The following KCNT2 variants were observed in gnomAD, a reference collection of about 807,000 sequenced individuals.
The protein encoded by KCNT2 is potassium channel subfamily T member 2.
Under a neutral mutation model 153.8 loss-of-function variants are expected in KCNT2, and 67 were observed. The ratio of observed to expected loss-of-function variants is 0.44; its 90% CI spans 0.36 to 0.53. The LOEUF (loss-of-function observed/expected upper bound fraction) is 0.53. KCNT2 is among the 20% of genes least tolerant of loss of function. KCNT2 has a pLI of 0.00. For synonymous variants in KCNT2, 500 were observed against 458.8 expected (o/e 1.09, Z -1.15); for missense variants, 975 against 1,354.8 (o/e 0.72, Z 4.40).
At chr1:196,438,383 A>T (rs1212446886) in intron 8 of KCNT2, among the ~76,000 whole-genome samples, 1 of 151,878 alleles carries the variant, frequency 6.6e-6, no homozygotes. Context: ...TTAGCAGCAG[A>T]CACCATCCAG....
chr1:196,579,144 A>C (rs1661717434), intron 1 of KCNT2, among the ~76,000 whole-genome samples: 1 of 152,106 alleles, frequency 6.6e-6, no homozygotes, highest in Non-Finnish European at 1.5e-5. Flanking sequence ...AGGTACAATG[A>C]CATGTTATCC....
intron 26 of KCNT2, among the ~76,000 whole-genome samples, chr1:196,246,835 T>G (rs1374467507): frequency 6.6e-6 from 1 of 151,698 alleles, no homozygotes; most frequent in African/African-American, 2.4e-5. Flanking sequence ...TCACCTTCTC[T>G]AACAGGAAGA....
At chr1:196,331,099 A>T in intron 18 of KCNT2, 57 bp downstream of exon 18, 3 of 903,564 alleles carry the variant, frequency 3.3e-6, no homozygotes, top group East Asian at 4.8e-5. Flanking sequence ...TAAATTATGT[A>T]ACTATAAAAT....
At chr1:196,383,299 C>A (rs1447631934) in intron 13 of KCNT2, among the ~76,000 whole-genome samples, 1 of 152,122 alleles carries the variant, frequency 6.6e-6, no homozygotes, top group Non-Finnish European at 1.5e-5. Context: ...TTTGATATAG[C>A]CCAAACTATG....
At chr1:196,405,163 C>G (rs1005963108) in intron 12 of KCNT2, among the ~76,000 whole-genome samples, 33 of 150,480 alleles carry the variant, frequency 2.2e-4, no homozygotes, top group African/African-American at 7.8e-4. Context: ...GATTTCACTT[C>G]ATTTTTTTTT....
chr1:196,485,700 T>C (rs1001338821), intron 3 of KCNT2, among the ~76,000 whole-genome samples: 2 of 151,884 alleles, frequency 1.3e-5, no homozygotes, highest in South Asian at 4.1e-4. Flanking sequence ...TGGAAAGACA[T>C]ACTTTTACCA....
intron 19 of KCNT2, among the ~76,000 whole-genome samples, chr1:196,325,207 T>C (rs1022764945): frequency 2.0e-5 from 3 of 152,196 alleles, no homozygotes; most frequent in Non-Finnish European, 4.4e-5. Context: ...AGGAGGAAAG[T>C]ACAGTTTTGT....
intron 8 of KCNT2, among the ~76,000 whole-genome samples, chr1:196,449,093 A>T (rs1293504866): frequency 6.6e-6 from 1 of 151,668 alleles, no homozygotes. Context: ...AACAAACAAA[A>T]ATCCTGGGGA....
At chr1:196,339,809 T>C (rs1665435906) in intron 16 of KCNT2, among the ~76,000 whole-genome samples, 1 of 152,074 alleles carries the variant, frequency 6.6e-6, no homozygotes, top group African/African-American at 2.4e-5. Context: ...TTCTTTTACC[T>C]TTCTTCTTCT....
chr1:196,386,375 T>C (rs1437547574), intron 13 of KCNT2, among the ~76,000 whole-genome samples: 1 of 152,132 alleles, frequency 6.6e-6, no homozygotes, highest in Non-Finnish European at 1.5e-5. Flanking sequence ...TGCAGCAATA[T>C]GTAACTAATA....
intron 12 of KCNT2, among the ~76,000 whole-genome samples, chr1:196,406,112 TA>T (rs1572339096): frequency 6.6e-6 from 1 of 151,492 alleles, no homozygotes; most frequent in East Asian, 2.0e-4. Flanking sequence ...ATTTTGTTCA[TA>T]ATTAGAACAT....
intron 26 of KCNT2, among the ~76,000 whole-genome samples, chr1:196,244,460 G>A (rs75086179): frequency 0.023 from 3,430 of 152,158 alleles, 119 homozygotes; most frequent in African/African-American, 0.078. Flanking sequence ...GGGCCAAAGG[G>A]GTGCCTACTG....
intron 1 of KCNT2, among the ~76,000 whole-genome samples, chr1:196,531,989 T>C (rs1012753022): frequency 4.6e-5 from 7 of 152,076 alleles, no homozygotes; most frequent in East Asian, 3.9e-4. Flanking sequence ...ACACACAAAT[T>C]TGTAGTTTAG....
intron 20 of KCNT2, among the ~76,000 whole-genome samples, chr1:196,317,755 C>G (rs1662869501): frequency 6.6e-6 from 1 of 151,672 alleles, no homozygotes; most frequent in South Asian, 2.1e-4. Flanking sequence ...CAAAACTTCA[C>G]TTTGAGAGTA....
intron 1 of KCNT2, among the ~76,000 whole-genome samples, chr1:196,529,299 G>A (rs1654640066): frequency 6.6e-6 from 1 of 152,100 alleles, no homozygotes; most frequent in South Asian, 2.1e-4. Context: ...GAATAAATAA[G>A]AGCAAATAAT....
At chr1:196,503,977 T>G (rs1461903557) in intron 1 of KCNT2, among the ~76,000 whole-genome samples, 1 of 152,170 alleles carries the variant, frequency 6.6e-6, no homozygotes, top group Non-Finnish European at 1.5e-5. Context: ...GCAAATTGTA[T>G]AGCGTGGAAT....
chr1:196,477,525 G>T (rs1332979020), intron 5 of KCNT2, among the ~76,000 whole-genome samples: 2 of 152,092 alleles, frequency 1.3e-5, no homozygotes, highest in Admixed American at 6.5e-5. Context: ...AGTTGAAGCT[G>T]CAGTGAGCCA....
At position 196,389,495 on chromosome 1, in the gene KCNT2, T is replaced by A. The variant is rs183874582; in HGVS notation, c.1294+9068A>T. On this transcript the variant is annotated intron_variant, in intron 13 of 27. Coordinates refer to ENST00000294725, the MANE Select transcript of KCNT2 (RefSeq NM_198503.5). ...TCAATTGGATACTGGCCAATGTGAA[T>A]GTTATCTTATACAATGTTTAAAATG... Among the ~76,000 whole-genome samples the A allele has an allele frequency of 2.7e-3, 410 of 151,854 alleles. 2 individuals are homozygous for A. Among genetic ancestry groups the A allele is most frequent in the African/African-American group, 9.5e-3 (394 of 41,534 alleles).
intron 1 of KCNT2, among the ~76,000 whole-genome samples, chr1:196,553,195 A>G (rs952361933): frequency 6.6e-6 from 1 of 151,188 alleles, no homozygotes; most frequent in Non-Finnish European, 1.5e-5. Flanking sequence ...AATGAAAATA[A>G]TAAGATAGAA....
Sources: allele counts gnomAD v4.1 joint callset (sites outside exome capture counted in the v4.1 genomes callset), GRCh38; gene constraint gnomAD v4.1.1; transcripts MANE v1.5; gene names NCBI Gene and HGNC (gene_info 2026-07-23, HGNC 2026-07-21).